The following FAM171A1 variants were observed in gnomAD, a reference collection of about 807,000 sequenced individuals.
FAM171A1 encodes protein FAM171A1.
Under a neutral mutation model 74.9 loss-of-function variants are expected in FAM171A1, and 23 were observed. That is an observed-to-expected ratio of 0.31 (90% CI 0.22 to 0.44). The LOEUF (loss-of-function observed/expected upper bound fraction) is 0.44, where lower values mean the gene tolerates loss of function less well. FAM171A1 is among the 20% of genes least tolerant of loss of function. FAM171A1 has a pLI of 1.00. For synonymous variants in FAM171A1, 527 were observed against 505.7 expected (o/e 1.04, Z -0.57); for missense variants, 1,162 against 1,159.2 (o/e 1.00, Z -0.03).
intron 2 of FAM171A1, among the ~76,000 whole-genome samples, chr10:15,279,236 T>C (rs1482001315): frequency 6.6e-6 from 1 of 152,256 alleles, no homozygotes; most frequent in East Asian, 1.9e-4. Context: ...GCAGCTGCTC[T>C]GGCAAATTGT....
intron 3 of FAM171A1, among the ~76,000 whole-genome samples, chr10:15,269,960 A>G (rs1834800853): frequency 6.6e-6 from 1 of 152,228 alleles, no homozygotes; most frequent in South Asian, 2.1e-4. Context: ...GCTCCAGTCT[A>G]CAGCTCCCAA....
chr10:15,373,164 T>G (rs559811652), upstream of FAM171A1, among the ~76,000 whole-genome samples: 3 of 152,290 alleles, frequency 2.0e-5, no homozygotes, highest in East Asian at 5.8e-4. Context: ...GGTTTTATAG[T>G]CACCCTTAGG....
At chr10:15,220,855 T>C in intron 6 of FAM171A1, 89 bp downstream of exon 6, 1 of 921,832 alleles carries the variant, frequency 1.1e-6, no homozygotes, top group Non-Finnish European at 1.7e-6. Flanking sequence ...ATCGCCCTGC[T>C]GAAGTTATTT....
chr10:15,240,021 G>A (rs1349243929), intron 5 of FAM171A1, among the ~76,000 whole-genome samples: 1 of 152,222 alleles, frequency 6.6e-6, no homozygotes, highest in Non-Finnish European at 1.5e-5. Flanking sequence ...TGGATTTTTG[G>A]ATTTGAGATG....
intron 3 of FAM171A1, among the ~76,000 whole-genome samples, chr10:15,272,818 G>C (rs1345228667): frequency 6.6e-6 from 1 of 152,150 alleles, no homozygotes; most frequent in African/African-American, 2.4e-5. Context: ...AATGAAGGCA[G>C]AAATAAAGAT....
chr10:15,305,704 T>A (rs12242510), intron 1 of FAM171A1, among the ~76,000 whole-genome samples: 2,066 of 117,494 alleles, frequency 0.018, 60 homozygotes, highest in East Asian at 0.11. Flanking sequence ...GAAGAGTGAA[T>A]GAAAAATTTC....
chr10:15,242,527 C>T (rs181651857), intron 5 of FAM171A1, among the ~76,000 whole-genome samples: 1 of 152,354 alleles, frequency 6.6e-6, no homozygotes, highest in African/African-American at 2.4e-5. Context: ...TGGCTCACGC[C>T]TATAATCCCA....
chr10:15,236,205 T>C (rs1834287010), intron 5 of FAM171A1, among the ~76,000 whole-genome samples: 1 of 150,402 alleles, frequency 6.6e-6, no homozygotes, highest in Non-Finnish European at 1.5e-5. Context: ...TCCAGCTAAA[T>C]AGCAACCTTG....
intron 6 of FAM171A1, among the ~76,000 whole-genome samples, chr10:15,216,537 C>T (rs548325474): frequency 7.2e-5 from 11 of 152,178 alleles, no homozygotes; most frequent in African/African-American, 2.6e-4. Flanking sequence ...CTGCATCAAT[C>T]CTCCTGCCTC....
At chr10:15,227,166 A>AT (rs971364869) in intron 5 of FAM171A1, among the ~76,000 whole-genome samples, 5 of 152,030 alleles carry the variant, frequency 3.3e-5, no homozygotes, top group Admixed American at 6.6e-5. Flanking sequence ...CAACCAGCTA[A>AT]TTTTTTGTAT....
intron 5 of FAM171A1, among the ~76,000 whole-genome samples, chr10:15,229,484 C>T (rs1413885023): frequency 6.6e-6 from 1 of 151,572 alleles, no homozygotes; most frequent in Non-Finnish European, 1.5e-5. Context: ...ATTGTCACCC[C>T]ATCACCATAA....
intron 1 of FAM171A1, among the ~76,000 whole-genome samples, chr10:15,336,234 T>C (rs972437794): frequency 1.3e-5 from 2 of 152,184 alleles, no homozygotes; most frequent in African/African-American, 4.8e-5. Context: ...CTGTATGGCA[T>C]CTGCCACCCC....
At chr10:15,298,220 C>T (rs926260563) in intron 1 of FAM171A1, among the ~76,000 whole-genome samples, 7 of 152,058 alleles carry the variant, frequency 4.6e-5, no homozygotes, top group African/African-American at 1.4e-4. Context: ...CTGCAACCTT[C>T]GCCTTCCAGG....
At chr10:15,341,548 T>C (rs759579201) in intron 1 of FAM171A1, among the ~76,000 whole-genome samples, 1 of 152,226 alleles carries the variant, frequency 6.6e-6, no homozygotes, top group African/African-American at 2.4e-5. Context: ...CATGGAATTA[T>C]TTAAGAGTTT....
At chr10:15,301,792 T>C (rs1835233114) in intron 1 of FAM171A1, among the ~76,000 whole-genome samples, 1 of 152,096 alleles carries the variant, frequency 6.6e-6, no homozygotes. Flanking sequence ...AAGTATCGTG[T>C]CTCCACCAAC....
chr10:15,214,968 C>T (rs1393674906), intron 7 of FAM171A1, among the ~76,000 whole-genome samples: 1 of 152,026 alleles, frequency 6.6e-6, no homozygotes, highest in Non-Finnish European at 1.5e-5. Flanking sequence ...GCCTGTGTTG[C>T]CCAGGCTGGT....
At chr10:15,324,715 C>T (rs772989204) in intron 1 of FAM171A1, among the ~76,000 whole-genome samples, 2 of 151,758 alleles carry the variant, frequency 1.3e-5, no homozygotes, top group East Asian at 1.9e-4. Context: ...ATTAAACAGC[C>T]TTAGTTTCAA....
At chr10:15,288,625 G>A (rs146224232) in intron 1 of FAM171A1, among the ~76,000 whole-genome samples, 559 of 152,186 alleles carry the variant, frequency 3.7e-3, no homozygotes, top group African/African-American at 0.012. Context: ...TGAGGGAAAA[G>A]AAGATTTATG....
At chr10:15,266,311 A>C (rs1424990328) in intron 3 of FAM171A1, among the ~76,000 whole-genome samples, 2 of 152,150 alleles carry the variant, frequency 1.3e-5, no homozygotes, top group Admixed American at 6.5e-5. Flanking sequence ...GTTACCCCCA[A>C]GCTGGGTGCC....
Sources: gnomAD v4.1 joint callset for allele counts (sites outside exome capture counted in the v4.1 genomes callset) on GRCh38, gnomAD v4.1.1 for gene constraint, MANE v1.5 for transcripts, NCBI Gene and HGNC (gene_info 2026-07-23, HGNC 2026-07-21) for gene names.